CPXM2: variants seen among roughly 807,000 people sequenced by gnomAD.
CPXM2 encodes the protein inactive carboxypeptidase-like protein X2.
A neutral mutation model predicts 86.1 loss-of-function variants in CPXM2; 66 were observed. The ratio of observed to expected loss-of-function variants is 0.77; its 90% CI spans 0.63 to 0.94. CPXM2 has a LOEUF of 0.94. CPXM2 is among the 40% of genes least tolerant of loss of function. CPXM2 has a pLI of 0.00. For synonymous variants in CPXM2, 388 were observed against 400.2 expected, an observed-to-expected ratio of 0.97 and a Z score of 0.36; for missense variants, 948 against 1,026.3, an observed-to-expected ratio of 0.92 and a Z score of 1.04.
chr10:123,771,054 G>C lies in CPXM2; in HGVS notation c.979-15C>G. ...ACTTTCATCAACTGAAAAACAAGGT[G>C]AATCAAAAACTCTAAGCATTGATGA... On this transcript the variant is annotated splice_polypyrimidine_tract_variant and intron_variant, in intron 7 of 13. Transcript: ENST00000241305. 6.2e-7 allele frequency: 1 copy of C among 1,610,644 alleles called. No individual in the cohort carries two copies. Among genetic ancestry groups the C allele is most frequent in the Non-Finnish European group, 8.5e-7 (1 of 1,178,158 alleles).
chr10:123,898,475 A>T (rs1319637349), intron 2 of CPXM2, among the ~76,000 whole-genome samples: 1 of 151,448 alleles, frequency 6.6e-6, no homozygotes, highest in Non-Finnish European at 1.5e-5. Flanking sequence ...AAAAAAATAT[A>T]TATATCTTTT....
upstream of CPXM2, among the ~76,000 whole-genome samples, chr10:123,895,015 C>G (rs1036481565): frequency 2.0e-5 from 3 of 152,162 alleles, no homozygotes; most frequent in African/African-American, 7.2e-5. Flanking sequence ...GTAAACCTAA[C>G]CCCTCTAGGT....
chr10:123,817,494 C>G (rs1389314020), intron 4 of CPXM2, among the ~76,000 whole-genome samples: 2 of 152,160 alleles, frequency 1.3e-5, no homozygotes, highest in Non-Finnish European at 2.9e-5. Context: ...TATGGGTCAT[C>G]AAGTCACCAT....
chr10:123,875,042 A>G (rs1944958123), intron 2 of CPXM2, among the ~76,000 whole-genome samples: 1 of 152,196 alleles, frequency 6.6e-6, no homozygotes, highest in Non-Finnish European at 1.5e-5. Flanking sequence ...CACACTGCTC[A>G]TGTAGTGTTC....
intron 3 of CPXM2, among the ~76,000 whole-genome samples, chr10:123,846,529 C>T (rs1848498464): frequency 6.6e-6 from 1 of 152,198 alleles, no homozygotes; most frequent in Non-Finnish European, 1.5e-5. Context: ...GCTGTGAAAG[C>T]CCCGTTCCTA....
chr10:123,854,769 G>A (rs142850946), intron 3 of CPXM2, among the ~76,000 whole-genome samples: 7 of 151,986 alleles, frequency 4.6e-5, no homozygotes, highest in Non-Finnish European at 7.4e-5. Context: ...TAGGATGACC[G>A]TCTTCTGGAT....
chr10:123,892,158 C>G (rs942061713), upstream of CPXM2, among the ~76,000 whole-genome samples: 1 of 152,132 alleles, frequency 6.6e-6, no homozygotes, highest in African/African-American at 2.4e-5. Context: ...AATCAGAGCC[C>G]AAGCAGCCTC....
intron 2 of CPXM2, among the ~76,000 whole-genome samples, chr10:123,916,542 T>C (rs1221699184): frequency 6.6e-6 from 1 of 152,140 alleles, no homozygotes; most frequent in African/African-American, 2.4e-5. Context: ...AGCCCACTCC[T>C]TTGAGTGGTG....
At chr10:123,831,761 A>G (rs1848169961) in intron 4 of CPXM2, among the ~76,000 whole-genome samples, 1 of 151,952 alleles carries the variant, frequency 6.6e-6, no homozygotes, top group Non-Finnish European at 1.5e-5. Context: ...CTCTTCTTCC[A>G]TATTTAAGAA....
chr10:123,932,881 G>A (rs1945678504), intron 2 of CPXM2, among the ~76,000 whole-genome samples: 1 of 152,172 alleles, frequency 6.6e-6, no homozygotes, highest in South Asian at 2.1e-4. Context: ...TCAGTGCAAG[G>A]GCACAGGACT....
At chr10:123,936,938 T>C (rs1452626051) in intron 2 of CPXM2, among the ~76,000 whole-genome samples, 2 of 152,166 alleles carry the variant, frequency 1.3e-5, no homozygotes, top group Non-Finnish European at 2.9e-5. Flanking sequence ...AGCATTCAAG[T>C]CCTGCAACAA....
chr10:123,894,857 G>T (rs974561252), upstream of CPXM2, among the ~76,000 whole-genome samples: 2 of 152,108 alleles, frequency 1.3e-5, no homozygotes, highest in Admixed American at 6.5e-5. Context: ...CAGATGATGG[G>T]AATCCGTGCT....
chr10:123,927,650 A>G lies in CPXM2; in HGVS notation n.174+11827T>C, dbSNP rs76768990. 7.0e-3 allele frequency among the ~76,000 whole-genome samples: 1,069 copies of G among 152,300 alleles called. 14 individuals are homozygous for G. Among genetic ancestry groups the G allele is most frequent in the African/African-American group, 0.024 (1,013 of 41,570 alleles). On this transcript the variant is annotated intron_variant and non_coding_transcript_variant, in intron 2 of 19. Transcript: ENST00000368854. The stretch of plus-strand genomic sequence containing the variant: ...TTGCTCATGCGGCCTTAGGGCTCCC[A>G]ACTGCACCTGGTTCATTAGCTCCCA...
At chr10:123,851,661 C>A (rs564985743) in intron 3 of CPXM2, among the ~76,000 whole-genome samples, 3 of 151,074 alleles carry the variant, frequency 2.0e-5, no homozygotes, top group East Asian at 2.0e-4. Context: ...CCCAGCTCCT[C>A]GGGAGGCTGA....
chr10:123,793,219 C>T (rs1342912438), intron 6 of CPXM2, among the ~76,000 whole-genome samples: 3 of 152,162 alleles, frequency 2.0e-5, no homozygotes, highest in South Asian at 2.1e-4. Context: ...AATCCCAGCA[C>T]TTTGGGAGGC....
intron 7 of CPXM2, among the ~76,000 whole-genome samples, chr10:123,776,393 C>A (rs544848834): frequency 1.3e-5 from 2 of 152,330 alleles, no homozygotes; most frequent in South Asian, 2.1e-4. Context: ...TACTGAATCC[C>A]AGGCTCTGCT....
At chr10:123,788,874 G>A (rs1406995577) in intron 6 of CPXM2, among the ~76,000 whole-genome samples, 3 of 43,054 alleles carry the variant, frequency 7.0e-5, no homozygotes, top group African/African-American at 9.0e-5. Context: ...ATTTCACCTT[G>A]ATTGAAAAAA....
chr10:123,920,187 C>G (rs1229876604), intron 2 of CPXM2, among the ~76,000 whole-genome samples: 1 of 152,166 alleles, frequency 6.6e-6, no homozygotes, highest in East Asian at 1.9e-4. Flanking sequence ...TCAACAGAGC[C>G]TCAGTGTCAT....
At chr10:123,796,484 C>T (rs55939414) in intron 6 of CPXM2, among the ~76,000 whole-genome samples, 16,610 of 152,100 alleles carry the variant, frequency 0.11, 1,222 homozygotes, top group African/African-American at 0.22. Flanking sequence ...AATAAGTACA[C>T]ATAAATATAA....
Sources: gnomAD v4.1 joint callset for allele counts (sites outside exome capture counted in the v4.1 genomes callset) on GRCh38, gnomAD v4.1.1 for gene constraint, MANE v1.5 for transcripts, NCBI Gene and HGNC (gene_info 2026-07-23, HGNC 2026-07-21) for gene names.